The following MACF1 variants were observed in gnomAD, a reference collection of about 807,000 sequenced individuals.
MACF1 encodes the protein microtubule actin crosslinking factor 1.
In MACF1, 193 loss-of-function variants were observed where a neutral mutation model predicts 854.8. The ratio of observed to expected loss-of-function variants is 0.23; its 90% CI spans 0.20 to 0.25. The LOEUF is 0.25. MACF1 is among the 10% of genes least tolerant of loss of function. The pLI is 1.00. For synonymous variants in MACF1, 3,185 were observed against 3,226.7 expected, an observed-to-expected ratio of 0.99 and a Z score of 0.44; for missense variants, 7,722 against 8,929.1, an observed-to-expected ratio of 0.86 and a Z score of 5.45.
chr1:39,452,468 G>T, intron 86 of MACF1, 118 bp downstream of exon 86: 2 of 1,170,816 alleles, frequency 1.7e-6, no homozygotes, highest in Non-Finnish European at 2.4e-6. Context: ...GTTGAAAATT[G>T]ATATTCTGAA....
At chr1:39,316,653 C>T in intron 28 of MACF1, 124 bp downstream of exon 28, 3 of 874,000 alleles carry the variant, frequency 3.4e-6, no homozygotes, top group Non-Finnish European at 5.1e-6. Context: ...GGCAGAATGT[C>T]ATTAAATATA....
rs151300948 is a variant in MACF1 at position 39,460,647 on chromosome 1, A to G, written c.21376A>G (p.Asn7126Asp). 1 of 1,614,208 alleles carries G rather than the reference A, an allele frequency of 6.2e-7. No homozygotes were observed. The highest frequency in any genetic ancestry group is 8.5e-7 in the Non-Finnish European group (1 of 1,180,030). The change falls in exon 92 of 101, where the codon AAC becomes GAC. Residue 7126 changes from asparagine to aspartate, a missense_variant. Physicochemically the swap from Asn to Asp is conservative, Grantham distance 23. Coordinates refer to ENST00000564288, the MANE Select transcript of MACF1 (RefSeq NM_001394062.1). This position sits in a 1 kb window ranked among gnomAD's most constrained non-coding sequence, Gnocchi z 4.1. ...TTCTGTGTAGTTGAAAGAATTTGCCAACTTTGACTTTGATGTCTGGAGGAA... is the reference window on the plus strand; with the variant it reads ...TTCTGTGTAGTTGAAAGAATTTGCCGACTTTGACTTTGATGTCTGGAGGAA... ...DRLEELKEFA[N>D]FDFDVWRKKY...
chr1:39,113,216 T>TA (rs1382290918), intron 2 of MACF1, among the ~76,000 whole-genome samples: 7 of 152,148 alleles, frequency 4.6e-5, no homozygotes, highest in Non-Finnish European at 8.8e-5. Context: ...ATCTCCCTAA[T>TA]ACCACTTTCC....
chr1:39,419,798 AGTGTGT>A (rs3080664), intron 58 of MACF1, among the ~76,000 whole-genome samples: 2,220 of 131,032 alleles, frequency 0.017, 20 homozygotes, highest in African/African-American at 0.033. Flanking sequence ...ATGCCTGGCT[AGTGTGT>A]GTGTGTGTGT....
chr1:39,322,559 G>T, intron 31 of MACF1, 49 bp from the exon 32 acceptor site: 2 of 1,430,874 alleles, frequency 1.4e-6, no homozygotes, highest in Non-Finnish European at 2.0e-6. Flanking sequence ...CATGATGTAT[G>T]TGAATTATAA....
chr1:39,395,066 T>G (rs1413468048), intron 58 of MACF1, among the ~76,000 whole-genome samples: 1 of 149,112 alleles, frequency 6.7e-6, no homozygotes, highest in African/African-American at 2.4e-5. Flanking sequence ...TGACATTTTT[T>G]GGGGGTGGGT....
intron 66 of MACF1, among the ~76,000 whole-genome samples, chr1:39,431,216 A>G (rs1249262602): frequency 6.6e-6 from 1 of 152,224 alleles, no homozygotes; most frequent in Non-Finnish European, 1.5e-5. Context: ...ATCTAGATTC[A>G]AAAGGTCCAA....
At chr1:39,477,582 AT>A (rs1224046182) in intron 97 of MACF1, among the ~76,000 whole-genome samples, 5 of 151,910 alleles carry the variant, frequency 3.3e-5, no homozygotes, top group Admixed American at 1.3e-4. Flanking sequence ...TGCCAGAGCA[AT>A]TTCCATGAGT....
chr1:39,140,985 A>G (rs1643332596), intron 2 of MACF1, among the ~76,000 whole-genome samples: 1 of 150,320 alleles, frequency 6.7e-6, no homozygotes, highest in South Asian at 2.1e-4. Context: ...AAATTAACTA[A>G]TTTAATCCTT....
At chr1:39,213,542 C>T (rs1644541167) in intron 1 of MACF1, among the ~76,000 whole-genome samples, 1 of 152,034 alleles carries the variant, frequency 6.6e-6, no homozygotes, top group Non-Finnish European at 1.5e-5. Context: ...ACCGTGTTGG[C>T]CCCAGGGTGG....
At chr1:39,424,274 G>A (rs970102298) in intron 61 of MACF1, 80 bp downstream of exon 61, 347 of 1,246,098 alleles carry the variant, frequency 2.8e-4, no homozygotes, top group Non-Finnish European at 3.6e-4. Flanking sequence ...TAAGTTCTTG[G>A]ATGATTCATA....
chr1:39,371,482 A>G (rs1649237804), intron 51 of MACF1, among the ~76,000 whole-genome samples: 1 of 152,104 alleles, frequency 6.6e-6, no homozygotes, highest in Non-Finnish European at 1.5e-5. Flanking sequence ...AGTATGGAGG[A>G]GGGCAATGAA....
At chr1:39,402,241 C>T (rs1213000024) in intron 58 of MACF1, among the ~76,000 whole-genome samples, 1 of 152,134 alleles carries the variant, frequency 6.6e-6, no homozygotes, top group Non-Finnish European at 1.5e-5. Flanking sequence ...ACCCAGAGAC[C>T]TCTTTCATGG....
intron 5 of MACF1, among the ~76,000 whole-genome samples, chr1:39,255,689 A>G (rs1412126096): frequency 1.3e-5 from 2 of 152,234 alleles, no homozygotes; most frequent in Non-Finnish European, 2.9e-5. Context: ...TTCATCTCTC[A>G]TAATGAATGG....
At chr1:39,133,364 TCAGTGGGGAGG>T (rs1643061243) in intron 2 of MACF1, among the ~76,000 whole-genome samples, 2 of 152,316 alleles carry the variant, frequency 1.3e-5, no homozygotes, top group Admixed American at 1.3e-4. Flanking sequence ...GGAAGAGAGA[TCAGTGGGGAGG>T]CAGTCATTGT....
chr1:39,452,883 A>G, intron 87 of MACF1, 71 bp downstream of exon 87: 2 of 1,546,976 alleles, frequency 1.3e-6, no homozygotes, highest in South Asian at 1.2e-5. Flanking sequence ...ACTAAATGAA[A>G]GCAACTTTTT....
chr1:39,438,491 A>G (rs372596328), intron 71 of MACF1, among the ~76,000 whole-genome samples: 3 of 152,242 alleles, frequency 2.0e-5, no homozygotes, highest in Non-Finnish European at 4.4e-5. Context: ...TAGTATATAA[A>G]TAATAGGCCG....
chr1:39,220,000 C>T (rs1445084583), intron 1 of MACF1, among the ~76,000 whole-genome samples: 1 of 152,140 alleles, frequency 6.6e-6, no homozygotes, highest in Non-Finnish European at 1.5e-5. Context: ...ATCTGCCCAC[C>T]TCAGCCTCCC....
In MACF1 at chr1:39,209,908, G is replaced by A. The variant is rs185002329; in HGVS notation, c.109+4777G>A. ...ATTTGAGACCAGCTTGGCCAACATG[G>A]TGAAACCCCATCTCTACCAAAAAAT... On this transcript the variant is annotated intron_variant, in intron 1 of 100. Coordinates refer to ENST00000564288, the MANE Select transcript of MACF1 (RefSeq NM_001394062.1). 2.0e-3 allele frequency among the ~76,000 whole-genome samples: 299 copies of A among 152,086 alleles called. 2 individuals are homozygous for A. The highest frequency in any genetic ancestry group is 7.0e-3 in the African/African-American group (290 of 41,486).
Sources: allele counts gnomAD v4.1 joint callset (sites outside exome capture counted in the v4.1 genomes callset), GRCh38; gene constraint gnomAD v4.1.1; non-coding constraint Gnocchi (gnomAD v3.1); transcripts MANE v1.5; gene names NCBI Gene and HGNC (gene_info 2026-07-23, HGNC 2026-07-21).